The following UGT2A1 variants were observed in gnomAD, a reference collection of about 807,000 sequenced individuals.
UGT2A1 encodes the protein UDP glucuronosyltransferase family 2 member A1 complex locus, also known as UDP-glucuronosyltransferase 2A1.
In UGT2A1, 61 loss-of-function variants were observed where a neutral mutation model predicts 45.4. The ratio of observed to expected loss-of-function variants is 1.34; its 90% CI spans 1.09 to 1.66. UGT2A1 has a LOEUF of 1.66. Ranked by LOEUF, UGT2A1 falls within the 40% of genes most tolerant of loss-of-function variation. The pLI, the probability that UGT2A1 is intolerant of heterozygous loss-of-function variation, is 0.00. For missense variants in UGT2A1, 649 were observed against 574.3 expected, an observed-to-expected ratio of 1.13 and a Z score of -1.33; for synonymous variants, 229 against 196.2, an observed-to-expected ratio of 1.17 and a Z score of -1.40.
intron 3 of UGT2A1, among the ~76,000 whole-genome samples, chr4:69,611,684 G>A (rs1259975595): frequency 6.6e-6 from 1 of 152,182 alleles, no homozygotes; most frequent in South Asian, 2.1e-4. Flanking sequence ...ATATAAAATT[G>A]TTCCCTTTAC....
At chr4:69,595,753 G>C (rs562350631) in intron 4 of UGT2A1, among the ~76,000 whole-genome samples, 18 of 152,160 alleles carry the variant, frequency 1.2e-4, no homozygotes, top group Non-Finnish European at 2.6e-4. Context: ...TTTTTAGCTA[G>C]AGAATATTCA....
intron 4 of UGT2A1, among the ~76,000 whole-genome samples, 180 bp downstream of exon 4, chr4:69,599,066 A>G (rs185982177): frequency 5.9e-5 from 9 of 152,282 alleles, no homozygotes; most frequent in African/African-American, 2.2e-4. Flanking sequence ...TAAATTGTCA[A>G]TGTAAAGTTC....
chr4:69,625,336 T>C (rs1288024199), intron 3 of UGT2A1, among the ~76,000 whole-genome samples: 17 of 151,110 alleles, frequency 1.1e-4, no homozygotes, highest in Admixed American at 1.1e-3. Context: ...TTCACCAAAT[T>C]TGAAAAATTT....
chr4:69,590,695 AG>A (rs1430924316), intron 6 of UGT2A1, among the ~76,000 whole-genome samples: 23 of 151,758 alleles, frequency 1.5e-4, no homozygotes, highest in African/African-American at 5.6e-4. Context: ...AAAGAATATA[AG>A]TAAGTAATTT....
chr4:69,632,889 A>G (rs1048693530), intron 3 of UGT2A1, among the ~76,000 whole-genome samples: 66 of 151,634 alleles, frequency 4.4e-4, no homozygotes, highest in African/African-American at 1.6e-3. Flanking sequence ...CTCGGTCAAA[A>G]AAAAAAAAAA....
At chr4:69,607,754 G>T (rs1262380783) in intron 3 of UGT2A1, among the ~76,000 whole-genome samples, 3 of 152,168 alleles carry the variant, frequency 2.0e-5, no homozygotes, top group Non-Finnish European at 4.4e-5. Flanking sequence ...CAACAAGTGG[G>T]TGAAGGATAT....
At chr4:69,595,023 T>C in intron 5 of UGT2A1, 139 bp downstream of exon 5, 2 of 1,233,924 alleles carry the variant, frequency 1.6e-6, no homozygotes, top group South Asian at 1.4e-5. Flanking sequence ...TGGCCAATTA[T>C]GTAATTATAT....
intron 3 of UGT2A1, 197 bp from the exon 4 acceptor site, chr4:69,599,591 AGAAG>A (rs957183341): frequency 1.0e-5 from 8 of 772,022 alleles, no homozygotes; most frequent in African/African-American, 1.8e-5. Flanking sequence ...AAGGAAGAAA[AGAAG>A]GAAGGAAGGG....
rs561201129 is a variant in UGT2A1, at chr4:69,604,669, G to A, written c.848-5275C>T. Among the ~76,000 whole-genome samples the A allele has an allele frequency of 5.9e-5, 8 of 136,734 alleles. 2 individuals carry two copies. In the South Asian group the frequency reaches 1.2e-3, roughly 20 times the overall value. The allele number at this position is 136,734 out of a possible 152,430, so 89.7% of individuals were successfully genotyped here. A position where few individuals can be genotyped will look rare whatever the true frequency, so the allele number is the denominator to read the frequency against. On this transcript the variant is annotated intron_variant, in intron 3 of 6. Coordinates refer to ENST00000286604, the MANE Select transcript of UGT2A1 (RefSeq NM_001252275.3). ...AGACCCATCAGTGTGCTGTATTCAG[G>A]AAACCCATCTCACGTGAAGAGACAC...
At chr4:69,606,807 G>A (rs1171799924) in intron 3 of UGT2A1, among the ~76,000 whole-genome samples, 1 of 136,450 alleles carries the variant, frequency 7.3e-6, no homozygotes, top group Non-Finnish European at 1.6e-5. Context: ...AATCACGAGT[G>A]AGCTCCCATT....
chr4:69,626,584 G>T (rs888977871), intron 3 of UGT2A1, among the ~76,000 whole-genome samples: 2 of 151,400 alleles, frequency 1.3e-5, no homozygotes, highest in Non-Finnish European at 3.0e-5. Flanking sequence ...TTAGTGACAC[G>T]CAGTATACTC....
chr4:69,607,794 A>G (rs1000844392), intron 3 of UGT2A1, among the ~76,000 whole-genome samples: 1 of 152,248 alleles, frequency 6.6e-6, no homozygotes, highest in Non-Finnish European at 1.5e-5. Context: ...GAAGACATTT[A>G]TGCAGCCAAA....
intron 6 of UGT2A1, 44 bp downstream of exon 6, chr4:69,594,433 A>G (rs1482510379): frequency 6.3e-7 from 1 of 1,599,808 alleles, no homozygotes; most frequent in Admixed American, 1.7e-5. Flanking sequence ...ATTATGAATA[A>G]TGTAATTAAA....
chr4:69,637,953 AG>A (rs1421091152), intron 2 of UGT2A1, among the ~76,000 whole-genome samples: 1 of 151,358 alleles, frequency 6.6e-6, no homozygotes, highest in African/African-American at 2.4e-5. Context: ...GAAAGAAGGA[AG>A]GAAAAAAAGG....
At chr4:69,590,316 T>C (rs1718515001) in intron 6 of UGT2A1, among the ~76,000 whole-genome samples, 1 of 152,220 alleles carries the variant, frequency 6.6e-6, no homozygotes, top group African/African-American at 2.4e-5. Context: ...GCCATCACAA[T>C]AGAGATAGTA....
chr4:69,594,839 G>A, intron 5 of UGT2A1, 143 bp from the exon 6 acceptor site: 2 of 1,088,552 alleles, frequency 1.8e-6, no homozygotes, highest in Non-Finnish European at 2.6e-6. Context: ...TAGGGCATTG[G>A]AATGTCAGAA....
At chr4:69,625,175 CT>C (rs1262336755) in intron 3 of UGT2A1, among the ~76,000 whole-genome samples, 161 of 145,492 alleles carry the variant, frequency 1.1e-3, no homozygotes, top group African/African-American at 4.0e-3. Flanking sequence ...CTTTTTTTTT[CT>C]TTGCTAGATG....
intron 3 of UGT2A1, among the ~76,000 whole-genome samples, chr4:69,625,559 T>C (rs1721008860): frequency 6.6e-6 from 1 of 151,386 alleles, no homozygotes; most frequent in Non-Finnish European, 1.5e-5. Flanking sequence ...CAATGTATTT[T>C]TAATTTTAGA....
intron 3 of UGT2A1, among the ~76,000 whole-genome samples, chr4:69,609,886 T>A (rs1719929644): frequency 6.6e-6 from 1 of 151,968 alleles, no homozygotes; most frequent in Admixed American, 6.6e-5. Context: ...TGGGGAAAAA[T>A]AAAAAGGAAA....
Sources: gnomAD v4.1 joint callset for allele counts (sites outside exome capture counted in the v4.1 genomes callset) on GRCh38, gnomAD v4.1.1 for gene constraint, MANE v1.5 for transcripts, NCBI Gene and HGNC (gene_info 2026-07-23, HGNC 2026-07-21) for gene names.